Variants in EBF1 observed in about 807,000 individuals in gnomAD.
The protein encoded by EBF1 is transcription factor COE1.
In EBF1, 10 loss-of-function variants were observed where a neutral mutation model predicts 68.4. The ratio of observed to expected loss-of-function variants is 0.15; its 90% CI spans 0.09 to 0.25. The LOEUF is 0.25. EBF1 is among the 10% of genes least tolerant of loss of function. The pLI is 1.00. For missense variants in EBF1, 509 were observed against 794.4 expected (o/e 0.64, Z 4.32); for synonymous variants, 298 against 299.8 (o/e 0.99, Z 0.06).
intron 6 of EBF1, among the ~76,000 whole-genome samples, chr5:158,972,574 C>T (rs556472988): frequency 3.3e-5 from 5 of 152,338 alleles, no homozygotes; most frequent in East Asian, 3.9e-4. Flanking sequence ...TACCCAAAGC[C>T]TGTTGTTGGA....
At chr5:158,843,056 C>T (rs1402076724) in intron 6 of EBF1, among the ~76,000 whole-genome samples, 1 of 152,162 alleles carries the variant, frequency 6.6e-6, no homozygotes, top group Non-Finnish European at 1.5e-5. Context: ...ATTAATCGAA[C>T]TACTAAGAAT....
chr5:159,051,163 G>A (rs1034222948), intron 6 of EBF1, among the ~76,000 whole-genome samples: 1 of 151,938 alleles, frequency 6.6e-6, no homozygotes, highest in Non-Finnish European at 1.5e-5. Context: ...AGGATATCCT[G>A]GGAAGGAAAA....
At chr5:158,896,343 C>A (rs1802178762) in intron 6 of EBF1, among the ~76,000 whole-genome samples, 1 of 152,144 alleles carries the variant, frequency 6.6e-6, no homozygotes, top group African/African-American at 2.4e-5. Flanking sequence ...AGGGCACAAG[C>A]TTTGCCCATT....
chr5:158,981,731 A>G (rs1388298398), intron 6 of EBF1, among the ~76,000 whole-genome samples: 1 of 152,202 alleles, frequency 6.6e-6, no homozygotes, highest in East Asian at 1.9e-4. Context: ...GATATAATCC[A>G]CAAGCTCCTA....
intron 6 of EBF1, among the ~76,000 whole-genome samples, chr5:158,859,627 C>A (rs1794637867): frequency 1.3e-5 from 2 of 152,166 alleles, no homozygotes; most frequent in Non-Finnish European, 2.9e-5. Flanking sequence ...TCCAAAGCTG[C>A]CCCTCACTTA....
At chr5:158,818,884 G>GT (rs984658431) in intron 8 of EBF1, among the ~76,000 whole-genome samples, 79 of 142,736 alleles carry the variant, frequency 5.5e-4, no homozygotes, top group Middle Eastern at 7.4e-3. Context: ...TAGTTCCATT[G>GT]TTTTTTTTTC....
intron 7 of EBF1, among the ~76,000 whole-genome samples, chr5:158,826,316 C>A (rs780765189): frequency 3.9e-5 from 6 of 152,200 alleles, no homozygotes; most frequent in Non-Finnish European, 7.3e-5. Context: ...AATACAGAAG[C>A]CAAATGCCTG....
rs371630338 is a variant in EBF1 at position 158,818,975 on chromosome 5, A to G, written c.778+4201T>C. 3.4e-4 allele frequency among the ~76,000 whole-genome samples: 51 copies of G among 151,318 alleles called. No individual in the cohort carries two copies. In the East Asian group the frequency reaches 7.8e-3, roughly 23 times the overall value. ...AGATCTAAAGAATACCCTACTGGGG[A>G]CTTAATCCCACTCCTGGAAATGGCT... is the stretch of plus-strand genomic sequence containing the variant. On this transcript the variant is annotated intron_variant, in intron 8 of 15. Transcript: ENST00000313708.
At chr5:158,998,977 T>C (rs1369087746) in intron 6 of EBF1, among the ~76,000 whole-genome samples, 1 of 152,118 alleles carries the variant, frequency 6.6e-6, no homozygotes, top group African/African-American at 2.4e-5. Context: ...AAAGCATTTC[T>C]CTGTCATGGA....
intron 10 of EBF1, among the ~76,000 whole-genome samples, chr5:158,743,008 G>A (rs1208984357): frequency 1.3e-5 from 2 of 152,190 alleles, no homozygotes; most frequent in Admixed American, 6.5e-5. Flanking sequence ...CAAGTCCAGT[G>A]CCCTGTGAGT....
At chr5:158,718,064 T>G (rs1186112241) in intron 11 of EBF1, among the ~76,000 whole-genome samples, 1 of 152,234 alleles carries the variant, frequency 6.6e-6, no homozygotes, top group African/African-American at 2.4e-5. Context: ...GGAAGCTTTA[T>G]AATAAAAATG....
At chr5:158,967,536 G>T (rs748978965) in intron 6 of EBF1, among the ~76,000 whole-genome samples, 1 of 152,038 alleles carries the variant, frequency 6.6e-6, no homozygotes, top group Non-Finnish European at 1.5e-5. Flanking sequence ...ATCCATATAC[G>T]TATCGAGTAT....
intron 10 of EBF1, among the ~76,000 whole-genome samples, chr5:158,752,826 C>T (rs1769223358): frequency 2.0e-5 from 3 of 152,006 alleles, no homozygotes; most frequent in Non-Finnish European, 4.4e-5. Flanking sequence ...TGGAACTGCT[C>T]ACACCACACA....
At chr5:159,027,299 A>G (rs775018738) in intron 6 of EBF1, among the ~76,000 whole-genome samples, 3 of 152,128 alleles carry the variant, frequency 2.0e-5, no homozygotes, top group African/African-American at 4.8e-5. Context: ...TCATTTATCC[A>G]AGACCAGGCC....
intron 11 of EBF1, among the ~76,000 whole-genome samples, chr5:158,725,669 G>C (rs1261141120): frequency 6.6e-6 from 1 of 152,244 alleles, no homozygotes; most frequent in Non-Finnish European, 1.5e-5. Context: ...TTAGTGTATG[G>C]TAATGAGGAG....
Position 158,819,380 on chromosome 5 carries a change from T to C in EBF1, c.778+3796A>G, listed in dbSNP as rs919122860. ...CATATTAGATCATTAGATAATAAAG[T>C]GTTAGCGCATGCAAGCTGACAGGGG... is the stretch of plus-strand genomic sequence containing the variant. On this transcript the variant is annotated intron_variant, in intron 8 of 15. Transcript: ENST00000313708. 2.0e-5 allele frequency among the ~76,000 whole-genome samples: 3 copies of C among 152,146 alleles called. No individual in the cohort carries two copies. In the East Asian group the frequency reaches 5.8e-4, roughly 29 times the overall value.
intron 15 of EBF1, chr5:158,707,647 C>T (rs1758154728): frequency 9.4e-6 from 3 of 318,796 alleles, no homozygotes; most frequent in African/African-American, 2.0e-5. Flanking sequence ...CTGATAATGG[C>T]GACCACAAGG....
chr5:159,038,502 T>C (rs1770551079), intron 6 of EBF1, among the ~76,000 whole-genome samples: 1 of 152,262 alleles, frequency 6.6e-6, no homozygotes, highest in Non-Finnish European at 1.5e-5. Flanking sequence ...AGTATTTCCA[T>C]ACAGGAGGAG....
intron 8 of EBF1, among the ~76,000 whole-genome samples, chr5:158,809,906 A>G (rs1039873920): frequency 5.9e-5 from 9 of 152,206 alleles, no homozygotes; most frequent in African/African-American, 1.9e-4. Flanking sequence ...GAAAATAATA[A>G]CAATTTACTA....
Sources: gnomAD v4.1 joint callset for allele counts (sites outside exome capture counted in the v4.1 genomes callset) on GRCh38, gnomAD v4.1.1 for gene constraint, MANE v1.5 for transcripts, NCBI Gene and HGNC (gene_info 2026-07-23, HGNC 2026-07-21) for gene names.